ERI1: variants seen among roughly 807,000 people sequenced by gnomAD.
ERI1 encodes exoribonuclease 1.
ERI1 carries 39 observed loss-of-function variants against 39.7 expected under a neutral mutation model. The ratio of observed to expected loss-of-function variants is 0.98; its 90% CI spans 0.76 to 1.28. The LOEUF (loss-of-function observed/expected upper bound fraction) is 1.28, where lower values mean the gene tolerates loss of function less well. Among genes scored for constraint, ERI1 ranks in the 50% most tolerant of loss-of-function variants. ERI1 has a pLI of 0.00. For missense variants in ERI1, 581 were observed against 416.9 expected (o/e 1.39, Z -3.43); for synonymous variants, 204 against 149.6 (o/e 1.36, Z -2.65).
chr8:9,029,041 C>T (rs1348726355), intron 6 of ERI1, among the ~76,000 whole-genome samples: 3 of 146,548 alleles, frequency 2.0e-5, no homozygotes, highest in Non-Finnish European at 4.5e-5. Flanking sequence ...AAAAATACCA[C>T]ACCACATCGT....
chr8:9,009,322 C>G (rs1246863710), intron 2 of ERI1, among the ~76,000 whole-genome samples: 1 of 151,922 alleles, frequency 6.6e-6, no homozygotes, highest in Non-Finnish European at 1.5e-5. Flanking sequence ...TGGCCAGGTA[C>G]AGCATGAGAA....
chr8:9,014,164 A>T (rs1314828033), intron 3 of ERI1, among the ~76,000 whole-genome samples: 1 of 152,024 alleles, frequency 6.6e-6, no homozygotes, highest in African/African-American at 2.4e-5. Context: ...TCTTTTCCTT[A>T]ACTCATTCCA....
At chr8:9,094,037 A>T (rs984477137) in intron 3 of ERI1, among the ~76,000 whole-genome samples, 2 of 152,202 alleles carry the variant, frequency 1.3e-5, no homozygotes, top group African/African-American at 4.8e-5. Context: ...CCAATCAGCT[A>T]GCTTCAACTA....
At chr8:9,077,598 C>T (rs1286914910) in intron 3 of ERI1, among the ~76,000 whole-genome samples, 4 of 152,196 alleles carry the variant, frequency 2.6e-5, no homozygotes, top group East Asian at 1.9e-4. Context: ...ACAAAGGCTG[C>T]TTTATCTGCT....
Position 9,030,019 on chromosome 8 carries a change from A to G in ERI1, c.1035A>G (p.Pro345=), listed in dbSNP as rs1469414163. Residue 345 remains proline (P), a synonymous_variant, in exon 7 of 7, where the codon CCA becomes CCG. Transcript: ENST00000250263. ...AGGGCACTCCACCACCACAAATGCCACATTTTAGAAAGTAACAACAGTTTT... is the reference window on the plus strand; with the variant it reads ...AGGGCACTCCACCACCACAAATGCCGCATTTTAGAAAGTAACAACAGTTTT... ...PIEGTPPPQM[P]HFRK is the part of the protein sequence containing the mutation. The G allele has an allele frequency of 1.3e-6, 2 of 1,592,034 alleles. No homozygotes were observed. Among genetic ancestry groups the G allele is most frequent in the African/African-American group, 1.4e-5 (1 of 73,970 alleles).
At chr8:9,040,789 G>C (rs1797993787) in intron 3 of ERI1, among the ~76,000 whole-genome samples, 1 of 151,904 alleles carries the variant, frequency 6.6e-6, no homozygotes, top group Admixed American at 6.6e-5. Flanking sequence ...CTTCCTTAGC[G>C]CTGACAAAAC....
rs1208440001 is a variant in ERI1, at chr8:9,032,735, G to A, written c.*2701G>A. On this transcript the variant is annotated 3_prime_UTR_variant, in exon 7 of 7. Coordinates refer to ENST00000250263, the MANE Select transcript of ERI1 (RefSeq NM_153332.4). ...ATGATAATGCAAAACAGAATAATTT[G>A]GAGACCAGGAGAAAAACTGGTATGA... is the stretch of plus-strand genomic sequence containing the variant. 1.3e-5 allele frequency: 2 copies of A among 152,216 alleles called. No individual in the cohort carries two copies. Among genetic ancestry groups the A allele is most frequent in the Admixed American group, 1.3e-4 (2 of 15,280 alleles). 9.4% of individuals were successfully genotyped at this position (152,216 alleles called of 1,614,324 possible).
At position 9,011,733 on chromosome 8, in the gene ERI1, A is replaced by G; in HGVS notation, c.479A>G (p.Asn160Ser). ...EIIEFPVVLL[N>S]THTLEIEDTF... ...ATTGAATTTCCGGTTGTTTTACTGA[A>G]TACGCATACTTTAGAAATAGTAAGT... The change falls in exon 3 of 7, where the codon AAT becomes AGT. Residue 160 changes from asparagine (N) to serine (S), a missense_variant. Physicochemically the swap from Asn to Ser is conservative, Grantham distance 46 (BLOSUM62 1). Transcript: ENST00000250263. The G allele has an allele frequency of 6.2e-7, 1 of 1,603,004 alleles. No individual in the cohort carries two copies. The highest frequency in any genetic ancestry group is 8.5e-7 in the Non-Finnish European group (1 of 1,173,918).
chr8:9,086,978 G>A (rs902081862), intron 3 of ERI1, among the ~76,000 whole-genome samples: 1 of 151,818 alleles, frequency 6.6e-6, no homozygotes, highest in African/African-American at 2.4e-5. Context: ...AGTGCTGGGC[G>A]GTAGGATTCT....
At chr8:9,050,888 T>C (rs1002372622) in intron 3 of ERI1, among the ~76,000 whole-genome samples, 4 of 152,120 alleles carry the variant, frequency 2.6e-5, no homozygotes, top group Non-Finnish European at 4.4e-5. Context: ...CAAAAGTGAC[T>C]CAGGGCAGCA....
intron 1 of ERI1, among the ~76,000 whole-genome samples, 161 bp from the exon 2 acceptor site, chr8:9,007,809 A>T (rs79097499): frequency 2.0e-3 from 300 of 152,132 alleles, no homozygotes; most frequent in African/African-American, 7.1e-3. Context: ...CTTCCTTCTT[A>T]TCCTTTCCTC....
chr8:9,013,871 A>G (rs1156613126), intron 3 of ERI1, among the ~76,000 whole-genome samples: 38 of 152,072 alleles, frequency 2.5e-4, no homozygotes, highest in Non-Finnish European at 5.9e-5. Flanking sequence ...TTCAAAATAT[A>G]TCCAGAACCC....
At chr8:9,015,505 C>T (rs913757864) in intron 3 of ERI1, among the ~76,000 whole-genome samples, 4 of 151,812 alleles carry the variant, frequency 2.6e-5, no homozygotes, top group Admixed American at 6.6e-5. Context: ...ATAAGACCAT[C>T]GTGTCAGGAG....
intron 6 of ERI1, among the ~76,000 whole-genome samples, chr8:9,025,191 A>G (rs960353584): frequency 2.6e-5 from 4 of 152,176 alleles, no homozygotes; most frequent in Admixed American, 2.0e-4. Flanking sequence ...GGGAGGAAAA[A>G]TATTTAATTA....
intron 3 of ERI1, among the ~76,000 whole-genome samples, chr8:9,096,117 A>C (rs1202298088): frequency 6.6e-6 from 1 of 152,204 alleles, no homozygotes; most frequent in African/African-American, 2.4e-5. Context: ...GCCATTCATG[A>C]GGTTCAAGTA....
intron 3 of ERI1, chr8:9,096,905 T>G (rs1309131951): frequency 6.6e-6 from 1 of 151,904 alleles, no homozygotes; most frequent in East Asian, 1.9e-4. Context: ...CTGTCTGACT[T>G]TCTCCTGACA....
intron 3 of ERI1, chr8:9,099,848 C>T (rs1431325067): frequency 6.6e-6 from 1 of 151,866 alleles, no homozygotes; most frequent in Non-Finnish European, 1.5e-5. Flanking sequence ...GCTTTCATTT[C>T]TTTTGGGCAG....
At chr8:9,007,124 G>C (rs1369972417) in intron 1 of ERI1, among the ~76,000 whole-genome samples, 1 of 152,158 alleles carries the variant, frequency 6.6e-6, no homozygotes, top group East Asian at 1.9e-4. Context: ...AGTAATTTGA[G>C]ACTGCCTGTG....
chr8:9,020,909 CTGTTTTTGTTTT>C (rs1001250355), intron 6 of ERI1, among the ~76,000 whole-genome samples: 3 of 152,194 alleles, frequency 2.0e-5, no homozygotes, highest in East Asian at 1.9e-4. Flanking sequence ...ATGTAAAGCT[CTGTTTTTGTTTT>C]TGTTTTTGTT....
Sources: gnomAD v4.1 joint callset for allele counts (sites outside exome capture counted in the v4.1 genomes callset) on GRCh38, gnomAD v4.1.1 for gene constraint, MANE v1.5 for transcripts, NCBI Gene and HGNC (gene_info 2026-07-23, HGNC 2026-07-21) for gene names.